Variants in IGF2BP1 observed in about 807,000 individuals in gnomAD.
IGF2BP1 encodes insulin-like growth factor 2 mRNA-binding protein 1.
IGF2BP1 carries 11 observed loss-of-function variants against 74.9 expected under a neutral mutation model. That is an observed-to-expected ratio of 0.15 (90% CI 0.09 to 0.24). The LOEUF (loss-of-function observed/expected upper bound fraction) is 0.24, where lower values mean the gene tolerates loss of function less well. Among genes scored for constraint, IGF2BP1 ranks in the 10% least tolerant of loss-of-function variants. IGF2BP1 has a pLI of 1.00. For missense variants in IGF2BP1, 440 were observed against 757.4 expected (o/e 0.58, Z 4.92); for synonymous variants, 287 against 281.8 (o/e 1.02, Z -0.18).
In IGF2BP1 at chr17:49,044,094, G is replaced by T. The variant is rs1327945212; in HGVS notation, c.1320+8G>T. 6.2e-7 allele frequency: 1 copy of T among 1,613,086 alleles called. No individual in the cohort carries two copies. The highest frequency in any genetic ancestry group is 8.5e-7 in the Non-Finnish European group (1 of 1,179,706). On this transcript the variant is annotated splice_region_variant and intron_variant, in intron 11 of 14. Coordinates refer to ENST00000290341, the MANE Select transcript of IGF2BP1 (RefSeq NM_006546.4). ...GCCAGCGCCTCCATCAAGGTGATCT[G>T]CTCTGTGGGTCTTCCTGTTTCTGGA...
At position 48,999,923 on chromosome 17, in the gene IGF2BP1, G is replaced by GGTGTGTGT. The variant is rs371605973; in HGVS notation, c.236+787_236+794dup. 9.9e-3 allele frequency among the ~76,000 whole-genome samples: 1,323 copies of GGTGTGTGT among 134,082 alleles called. 10 individuals are homozygous for GGTGTGTGT. Among genetic ancestry groups the GGTGTGTGT allele is most frequent in the South Asian group, 0.024 (89 of 3,766 alleles). 88.0% of individuals were successfully genotyped at this position (134,082 alleles called of 152,430 possible). ...AGGGTCTAGAACTCCGTGGATGAAT[G>GGTGTGTGT]GTGTGTGTGTGTGTGTGTGTGTGTG... On this transcript the variant is annotated intron_variant, in intron 2 of 14. Coordinates refer to ENST00000290341, the MANE Select transcript of IGF2BP1 (RefSeq NM_006546.4).
In IGF2BP1 at chr17:49,054,309, G is replaced by A. The variant is rs1272033022; in HGVS notation, c.*4865G>A. The stretch of plus-strand genomic sequence containing the variant: ...TGAATGAAATAGCAGGAAGCTCCTC[G>A]GGAGCATGTGTTTTGATTAACCGCA... On this transcript the variant is annotated 3_prime_UTR_variant, in exon 15 of 15. Transcript: ENST00000290341. The A allele has an allele frequency of 3.9e-5, 6 of 152,642 alleles. No homozygotes were observed. Among genetic ancestry groups the A allele is most frequent in the Non-Finnish European group, 8.8e-5 (6 of 68,028 alleles). 9.5% of individuals were successfully genotyped at this position (152,642 alleles called of 1,614,324 possible).
intron 2 of IGF2BP1, among the ~76,000 whole-genome samples, chr17:49,010,051 G>A (rs2041597964): frequency 6.6e-6 from 1 of 152,204 alleles, no homozygotes; most frequent in Non-Finnish European, 1.5e-5. Context: ...CTGCACTCCA[G>A]CCTGGGTGAA....
At chr17:49,002,824 A>T (rs895709726) in intron 2 of IGF2BP1, among the ~76,000 whole-genome samples, 19 of 152,124 alleles carry the variant, frequency 1.2e-4, no homozygotes, top group African/African-American at 4.3e-4. Context: ...CCACCTAAAA[A>T]TTAAACTTTG....
rs2041851932 is a variant in IGF2BP1, at chr17:49,026,253, A to T, written c.286-213A>T. ...CAGGCAGCCCAGGTCTGCTTCCCAA[A>T]AGGCCCTTAAGGCAGAACTTAAGTA... On this transcript the variant is annotated intron_variant, in intron 3 of 14. Coordinates refer to ENST00000290341, the MANE Select transcript of IGF2BP1 (RefSeq NM_006546.4). The T allele has an allele frequency of 6.2e-6, 3 of 482,736 alleles. No homozygotes were observed. The South Asian group carries it at 1.1e-4, about 17-fold the overall frequency. 29.9% of individuals were successfully genotyped at this position (482,736 alleles called of 1,614,324 possible). A position where few individuals can be genotyped will look rare whatever the true frequency, so the allele number is the denominator to read the frequency against.
intron 14 of IGF2BP1, 146 bp downstream of exon 14, chr17:49,046,519 C>T: frequency 1.6e-6 from 1 of 612,700 alleles, no homozygotes; most frequent in South Asian, 2.0e-5. Flanking sequence ...GGTTATTGCC[C>T]TCTTTCAGGT....
intron 5 of IGF2BP1, among the ~76,000 whole-genome samples, chr17:49,037,708 T>A (rs2042005715): frequency 6.6e-6 from 1 of 152,216 alleles, no homozygotes; most frequent in Non-Finnish European, 1.5e-5. Flanking sequence ...ATGTAGTAGT[T>A]AGCAGTTGGT....
intron 13 of IGF2BP1, 31 bp from the exon 14 acceptor site, chr17:49,046,229 G>A: frequency 6.3e-7 from 1 of 1,582,502 alleles, no homozygotes; most frequent in Non-Finnish European, 8.7e-7. Flanking sequence ...TTTCTTGATG[G>A]CACCCTGAGC....
intron 2 of IGF2BP1, among the ~76,000 whole-genome samples, chr17:49,008,000 C>T (rs1003644323): frequency 4.6e-5 from 7 of 151,816 alleles, no homozygotes; most frequent in Admixed American, 3.3e-4. Flanking sequence ...GGTGAAACCC[C>T]GTCTCTACTA....
intron 8 of IGF2BP1, 32 bp downstream of exon 8, chr17:49,041,532 G>A (rs2042052699): frequency 1.2e-6 from 2 of 1,613,274 alleles, no homozygotes; most frequent in African/African-American, 1.3e-5. Context: ...CTGTTTATGA[G>A]TGGGGGATGC....
At chr17:49,030,105 C>G (rs1406691887) in intron 4 of IGF2BP1, among the ~76,000 whole-genome samples, 1 of 150,216 alleles carries the variant, frequency 6.7e-6, no homozygotes, top group African/African-American at 2.5e-5. Flanking sequence ...TCTTTCTAGA[C>G]TTCTACAGCC....
chr17:49,012,889 C>T (rs2041638337), intron 2 of IGF2BP1: 1 of 152,178 alleles, frequency 6.6e-6, no homozygotes, highest in Admixed American at 6.5e-5. Context: ...GCCACCGCGC[C>T]TGGCTTCCAT....
At chr17:49,000,026 T>C (rs1277271520) in intron 2 of IGF2BP1, among the ~76,000 whole-genome samples, 1 of 151,594 alleles carries the variant, frequency 6.6e-6, no homozygotes, top group Non-Finnish European at 1.5e-5. Flanking sequence ...TCCATCATAC[T>C]TACCGAGAAT....
At chr17:49,033,006 G>C (rs1055918705) in intron 5 of IGF2BP1, among the ~76,000 whole-genome samples, 2 of 152,086 alleles carry the variant, frequency 1.3e-5, no homozygotes, top group Non-Finnish European at 2.9e-5. Flanking sequence ...TTGTAGAGAC[G>C]AGGTTTCACC....
chr17:49,009,304 T>A (rs1472561027), intron 2 of IGF2BP1, among the ~76,000 whole-genome samples: 1 of 151,942 alleles, frequency 6.6e-6, no homozygotes, highest in African/African-American at 2.4e-5. Context: ...GGTGCTGGGA[T>A]TACAGGCGTG....
chr17:49,014,849 G>A (rs2041674216), intron 2 of IGF2BP1: 2 of 985,256 alleles, frequency 2.0e-6, no homozygotes, highest in Admixed American at 1.2e-4. Flanking sequence ...GGAAGCTGCC[G>A]AAGACAGATT....
chr17:49,035,548 G>T (rs985680503), intron 5 of IGF2BP1, among the ~76,000 whole-genome samples: 9 of 152,230 alleles, frequency 5.9e-5, no homozygotes, highest in Non-Finnish European at 1.2e-4. Flanking sequence ...AGTGGCCTGC[G>T]GTGGGTAGGC....
At chr17:49,043,124 G>A (rs187021584) in intron 9 of IGF2BP1, among the ~76,000 whole-genome samples, 97 of 152,206 alleles carry the variant, frequency 6.4e-4, no homozygotes, top group Non-Finnish European at 1.0e-3. Flanking sequence ...TGGGTCTATC[G>A]TCTGTCTCCA....
intron 4 of IGF2BP1, among the ~76,000 whole-genome samples, chr17:49,027,283 A>T (rs1486788748): frequency 1.3e-5 from 2 of 152,142 alleles, no homozygotes; most frequent in Non-Finnish European, 2.9e-5. Flanking sequence ...TGGCTATCCC[A>T]GGATTTTAGA....
Sources: gnomAD v4.1 joint callset for allele counts (sites outside exome capture counted in the v4.1 genomes callset) on GRCh38, gnomAD v4.1.1 for gene constraint, MANE v1.5 for transcripts, NCBI Gene and HGNC (gene_info 2026-07-23, HGNC 2026-07-21) for gene names.